Variants in ERICH1 observed in about 807,000 individuals in gnomAD.
The protein encoded by ERICH1 is glutamate-rich protein 1.
A neutral mutation model predicts 39.6 loss-of-function variants in ERICH1; 56 were observed. The ratio of observed to expected loss-of-function variants is 1.41; its 90% confidence interval spans 1.14 to 1.77. The LOEUF (loss-of-function observed/expected upper bound fraction) is 1.77. Among genes scored for constraint, ERICH1 ranks in the 40% most tolerant of loss-of-function variants. The pLI, the probability that ERICH1 is intolerant of heterozygous loss-of-function variation, is 0.00. For synonymous variants in ERICH1, 313 were observed against 223.6 expected, an observed-to-expected ratio of 1.40 and a Z score of -3.57; for missense variants, 826 against 575.4, an observed-to-expected ratio of 1.44 and a Z score of -4.45.
intron 3 of ERICH1, among the ~76,000 whole-genome samples, chr8:691,732 G>A (rs545147160): frequency 1.3e-5 from 2 of 152,156 alleles, no homozygotes; most frequent in African/African-American, 4.8e-5. Context: ...AAGCCAGAAA[G>A]ACAAAAGCAG....
chr8:650,078 CAGA>C (rs1224781227), intron 3 of ERICH1, among the ~76,000 whole-genome samples: 1 of 152,236 alleles, frequency 6.6e-6, no homozygotes, highest in Non-Finnish European at 1.5e-5. Context: ...CGTGCCGGTT[CAGA>C]AGAACAAGGC....
intron 3 of ERICH1, among the ~76,000 whole-genome samples, chr8:685,992 CA>C (rs33933491): frequency 0.66 from 84,624 of 128,274 alleles, 27,595 homozygotes; most frequent in East Asian, 0.89. Flanking sequence ...TAAAAAATAC[CA>C]AAAAAAAAAA....
intron 3 of ERICH1, among the ~76,000 whole-genome samples, chr8:685,865 C>T (rs1807216388): frequency 6.6e-6 from 1 of 152,006 alleles, no homozygotes; most frequent in African/African-American, 2.4e-5. Context: ...CAATAACTGA[C>T]TGGGCACAGT....
chr8:662,070 G>A (rs147346125), downstream of ERICH1, among the ~76,000 whole-genome samples: 38 of 150,552 alleles, frequency 2.5e-4, no homozygotes, highest in East Asian at 5.9e-3. Flanking sequence ...TGACCCACCA[G>A]CCCTGCAATG....
chr8:627,385 C>G, intron 3 of ERICH1: 1 of 361,362 alleles, frequency 2.8e-6, no homozygotes, highest in Admixed American at 3.4e-5. Context: ...CACTGAGAGC[C>G]TCGACTTCAC....
At chr8:654,777 G>A (rs953435818) in intron 3 of ERICH1, among the ~76,000 whole-genome samples, 1 of 152,144 alleles carries the variant, frequency 6.6e-6, no homozygotes, top group African/African-American at 2.4e-5. Flanking sequence ...GTTGCTGGGA[G>A]GGGCAGGCAG....
At chr8:687,048 T>A (rs1807582518) in intron 3 of ERICH1, among the ~76,000 whole-genome samples, 1 of 152,242 alleles carries the variant, frequency 6.6e-6, no homozygotes, top group Admixed American at 6.5e-5. Flanking sequence ...GAGCCACGAT[T>A]CTGTCAAAAC....
At chr8:684,897 A>C (rs1412467031) in intron 3 of ERICH1, among the ~76,000 whole-genome samples, 1 of 152,222 alleles carries the variant, frequency 6.6e-6, no homozygotes, top group Non-Finnish European at 1.5e-5. Context: ...CGGGCAATAA[A>C]ATATCACAAG....
chr8:716,987 G>A (rs928154985), intron 1 of ERICH1, among the ~76,000 whole-genome samples: 1 of 152,202 alleles, frequency 6.6e-6, no homozygotes, highest in Non-Finnish European at 1.5e-5. Context: ...AGAACACTAT[G>A]TGGGTTTCCA....
At chr8:665,456 A>G (rs577747430) in intron 5 of ERICH1, among the ~76,000 whole-genome samples, 3 of 152,292 alleles carry the variant, frequency 2.0e-5, no homozygotes, top group Admixed American at 6.5e-5. Flanking sequence ...GAAGTTTCCA[A>G]CCACAGAGAG....
intron 3 of ERICH1, among the ~76,000 whole-genome samples, chr8:676,901 G>C (rs1329888033): frequency 6.6e-6 from 1 of 152,248 alleles, no homozygotes; most frequent in Non-Finnish European, 1.5e-5. Context: ...AACAACGTGA[G>C]TGAAGTTTGT....
Position 644,822 on chromosome 8 carries a change from G to A in ERICH1, c.976+23776C>T, listed in dbSNP as rs1231414762. Among the ~76,000 whole-genome samples, 6 of 68,330 alleles carry A rather than the reference G, an allele frequency of 8.8e-5. 3 individuals are homozygous for A. The highest frequency in any genetic ancestry group is 2.7e-4 in the Non-Finnish European group (6 of 21,880). The allele number at this position is 68,330 out of a possible 152,430, so 44.8% of individuals were successfully genotyped here. A position where few individuals can be genotyped will look rare whatever the true frequency, so the allele number is the denominator to read the frequency against. On this transcript the variant is annotated intron_variant, in intron 3 of 3. Coordinates refer to the ERICH1 transcript ENST00000522706. ...AGTGGACCTGGGGTGAGTGGGACAA[G>A]GTTTACCAGCAACGCCTACATGTGT...
At chr8:699,922 C>G (rs1287343289) in intron 2 of ERICH1, among the ~76,000 whole-genome samples, 4 of 139,430 alleles carry the variant, frequency 2.9e-5, no homozygotes, top group Admixed American at 7.2e-5. Flanking sequence ...CGCACAGGCC[C>G]GCACAGGCGC....
downstream of ERICH1, among the ~76,000 whole-genome samples, chr8:660,990 C>T (rs1418006129): frequency 6.6e-6 from 1 of 152,306 alleles, no homozygotes; most frequent in East Asian, 1.9e-4. Context: ...GTGACCTTGG[C>T]TCGCTCTCAG....
intron 4 of ERICH1, 108 bp from the exon 5 acceptor site, chr8:668,900 G>C (rs1802718446): frequency 3.1e-6 from 3 of 967,482 alleles, no homozygotes; most frequent in South Asian, 1.7e-5. Context: ...CTTCCACACA[G>C]AATGACATAT....
At chr8:698,140 C>G (rs892737830) in intron 2 of ERICH1, among the ~76,000 whole-genome samples, 5 of 152,200 alleles carry the variant, frequency 3.3e-5, no homozygotes, top group African/African-American at 9.6e-5. Flanking sequence ...ATTTAACATA[C>G]AGCCAAAGAC....
At chr8:714,879 C>T (rs1336496572) in intron 2 of ERICH1, among the ~76,000 whole-genome samples, 8 of 152,142 alleles carry the variant, frequency 5.3e-5, no homozygotes, top group African/African-American at 7.2e-5. Flanking sequence ...CCGTGTCTCT[C>T]GGTGGGATGT....
chr8:728,503 C>T (rs1388870538), intron 1 of ERICH1, among the ~76,000 whole-genome samples: 1 of 152,194 alleles, frequency 6.6e-6, no homozygotes, highest in Non-Finnish European at 1.5e-5. Flanking sequence ...TGGGGGCCTC[C>T]CCAGTCCACT....
At chr8:663,478 A>T (rs1355300445), downstream of ERICH1, among the ~76,000 whole-genome samples, 25 of 151,772 alleles carry the variant, frequency 1.6e-4, no homozygotes, top group Non-Finnish European at 2.1e-4. Flanking sequence ...AGAGGAAGAG[A>T]GATTGGCACC....
Sources: gnomAD v4.1 joint callset for allele counts (sites outside exome capture counted in the v4.1 genomes callset) on GRCh38, gnomAD v4.1.1 for gene constraint, MANE v1.5 for transcripts, NCBI Gene and HGNC (gene_info 2026-07-23, HGNC 2026-07-21) for gene names.